Variants in BICRA observed in about 807,000 individuals in gnomAD.
BICRA encodes the protein BRD4 interacting chromatin remodeling complex associated protein.
BICRA carries 31 observed loss-of-function variants against 96.9 expected under a neutral mutation model. The ratio of observed to expected loss-of-function variants is 0.32; its 90% confidence interval spans 0.24 to 0.43. BICRA has a LOEUF of 0.43. Among genes scored for constraint, BICRA ranks in the 20% least tolerant of loss-of-function variants. The pLI, the probability that BICRA is intolerant of heterozygous loss-of-function variation, is 1.00. For missense variants in BICRA, 2,283 were observed against 2,190.3 expected (o/e 1.04, Z -0.84); for synonymous variants, 1,350 against 1,071.8 (o/e 1.26, Z -5.07).
chr19:47,684,980 A>G (rs988159842), intron 7 of BICRA, among the ~76,000 whole-genome samples: 1 of 151,952 alleles, frequency 6.6e-6, no homozygotes, highest in African/African-American at 2.4e-5. Flanking sequence ...AGCTGAACTT[A>G]TTTTTTTGGA....
In BICRA at chr19:47,671,384, G is replaced by A. The variant is rs555397391; in HGVS notation, c.-6+840G>A. 1.8e-4 allele frequency among the ~76,000 whole-genome samples: 27 copies of A among 152,278 alleles called. No homozygotes were observed. In the East Asian group the frequency reaches 3.9e-3, roughly 22 times the overall value. ...GGTGACCCGTGGCAGTTGTCACATCGTCAGTGAGGTTTGGGACCCCCTACC... is the reference window on the plus strand; with the variant it reads ...GGTGACCCGTGGCAGTTGTCACATCATCAGTGAGGTTTGGGACCCCCTACC... On this transcript the variant is annotated intron_variant, in intron 2 of 14. Coordinates refer to ENST00000594866, the MANE Select transcript of BICRA (RefSeq NM_001394372.1).
rs1177808753 is a variant in BICRA, at chr19:47,702,581, G to A, written c.*166G>A. 1 of 783,154 alleles carries A rather than the reference G, an allele frequency of 1.3e-6. No homozygotes were observed. The highest frequency in any genetic ancestry group is 1.9e-6 in the Non-Finnish European group (1 of 534,534). 48.5% of individuals were successfully genotyped at this position (783,154 alleles called of 1,614,324 possible). A position where few individuals can be genotyped will look rare whatever the true frequency, so the allele number is the denominator to read the frequency against. On this transcript the variant is annotated 3_prime_UTR_variant, in exon 15 of 15. Coordinates refer to ENST00000594866, the MANE Select transcript of BICRA (RefSeq NM_001394372.1). ...TCCTTCCCTGCCGCCTGCTTCAGCT[G>A]GGTTGCTGGGGGGTGGGCGTGGATT...
rs74254176 is a variant in BICRA, at chr19:47,646,961, C to G, written c.-107-23482C>G. Among the ~76,000 whole-genome samples the G allele has an allele frequency of 1.3e-3, 193 of 152,298 alleles. 2 individuals are homozygous for G. The East Asian group carries it at 0.023, about 18-fold the overall frequency. On this transcript the variant is annotated intron_variant, in intron 1 of 14. Coordinates refer to ENST00000594866, the MANE Select transcript of BICRA (RefSeq NM_001394372.1). ...GCCATCATCCCCACTCCTTCTCCCC[C>G]TCCCAGCCTCCAGCAACCACAAGTC...
rs2123590710 is a variant in BICRA at position 47,682,166 on chromosome 19, A to C, written c.2283+14A>C. 7.8e-7 allele frequency: 1 copy of C among 1,288,858 alleles called. No individual in the cohort carries two copies. The highest frequency in any genetic ancestry group is 1.5e-5 in the African/African-American group (1 of 64,804). 79.8% of individuals were successfully genotyped at this position (1,288,858 alleles called of 1,614,324 possible). On this transcript the variant is annotated intron_variant, in intron 7 of 14. Transcript: ENST00000594866. Reference sequence around the variant, plus strand: ...CCGGCCCCCCAGGTAGAGGGACCCCAGCAGCCTGTGTCCGCAGCACAGACC... The same window carrying C: ...CCGGCCCCCCAGGTAGAGGGACCCCCGCAGCCTGTGTCCGCAGCACAGACC...
chr19:47,621,295 C>G (rs1333588873), intron 1 of BICRA, among the ~76,000 whole-genome samples: 1 of 152,092 alleles, frequency 6.6e-6, no homozygotes, highest in Non-Finnish European at 1.5e-5. Flanking sequence ...CTGTCCCACC[C>G]TGCAGTTTGC....
At chr19:47,656,108 A>ACACACACACACG (rs1395595593) in intron 1 of BICRA, among the ~76,000 whole-genome samples, 22 of 129,090 alleles carry the variant, frequency 1.7e-4, no homozygotes, top group South Asian at 8.5e-4. Context: ...ACACACACAC[A>ACACACACACACG]CACTCTGAAT....
At position 47,681,188 on chromosome 19, in the gene BICRA, G is replaced by T; in HGVS notation, c.2018G>T (p.Ser673Ile). Residue 673 changes from serine to isoleucine, a missense_variant, in exon 6 of 15, where the codon AGC becomes ATC. Ser to Ile is a moderately radical substitution (Grantham distance 142). Transcript: ENST00000594866. ...TPQPSPGLAS[S>I]PEKIVLGQPP... ...CAGCCCAGCCCTGGCCTGGCGTCTA[G>T]CCCGGAGAAGATCGTCCTGGGGCAG... 1.3e-6 allele frequency: 2 copies of T among 1,532,018 alleles called. No homozygotes were observed. The highest frequency in any genetic ancestry group is 2.0e-5 in the Admixed American group (1 of 50,964). The allele number at this position is 1,532,018 out of a possible 1,614,324, so 94.9% of individuals were successfully genotyped here. A position where few individuals can be genotyped will look rare whatever the true frequency, so the allele number is the denominator to read the frequency against.
intron 1 of BICRA, among the ~76,000 whole-genome samples, chr19:47,609,574 G>A (rs1199289982): frequency 6.6e-6 from 1 of 151,346 alleles, no homozygotes; most frequent in African/African-American, 2.4e-5. Flanking sequence ...GCGGAGAGAG[G>A]AGACCTAACG....
At chr19:47,670,789 C>A (rs1177899836) in intron 2 of BICRA, among the ~76,000 whole-genome samples, 1 of 152,200 alleles carries the variant, frequency 6.6e-6, no homozygotes, top group African/African-American at 2.4e-5. Context: ...TCTCCAGATT[C>A]TTTGCAGACC....
At chr19:47,693,139 A>T (rs574494695) in intron 7 of BICRA, among the ~76,000 whole-genome samples, 1 of 152,356 alleles carries the variant, frequency 6.6e-6, no homozygotes, top group African/African-American at 2.4e-5. Context: ...ATTCTGTGAC[A>T]GCAAGTATCA....
chr19:47,644,609 T>A (rs1236885517), intron 1 of BICRA, among the ~76,000 whole-genome samples: 1 of 151,728 alleles, frequency 6.6e-6, no homozygotes, highest in African/African-American at 2.4e-5. Flanking sequence ...CAAGCAACCC[T>A]CCTGCCTCAG....
Position 47,680,449 on chromosome 19 carries a change from C to G in BICRA, c.1279C>G (p.Pro427Ala). 1 of 1,539,160 alleles carries G rather than the reference C, an allele frequency of 6.5e-7. No individual in the cohort carries two copies. Among genetic ancestry groups the G allele is most frequent in the Admixed American group, 2.0e-5 (1 of 50,886 alleles). ...PALQANVFKQ[P>A]PATTTGAAPP... ...GCTGCAAGCGAACGTCTTCAAGCAG[C>G]CACCGGCCACCACCACCGGAGCGGC... The change falls in exon 6 of 15, where the codon CCA becomes GCA. Residue 427 changes from proline to alanine, a missense_variant. Physicochemically the swap from Pro to Ala is conservative, Grantham distance 27. Coordinates refer to ENST00000594866, the MANE Select transcript of BICRA (RefSeq NM_001394372.1).
At chr19:47,626,717 GTT>G (rs35347398) in intron 1 of BICRA, among the ~76,000 whole-genome samples, 166 of 101,246 alleles carry the variant, frequency 1.6e-3, no homozygotes, top group Non-Finnish European at 2.3e-3. Flanking sequence ...TGCATCCTGG[GTT>G]TTTTTTTTTT....
chr19:47,688,820 T>G (rs1293512984), intron 7 of BICRA, among the ~76,000 whole-genome samples: 2 of 152,022 alleles, frequency 1.3e-5, no homozygotes, highest in Non-Finnish European at 2.9e-5. Context: ...TTTTCTTTGT[T>G]TTGTTTTATT....
chr19:47,681,908 G>A (rs1259517788), intron 6 of BICRA, 68 bp from the exon 7 acceptor site: 1 of 1,085,340 alleles, frequency 9.2e-7, no homozygotes, highest in Non-Finnish European at 1.3e-6. Flanking sequence ...AGGGGCAGGG[G>A]TCTCGGGTGG....
chr19:47,619,566 A>G (rs553654206), intron 1 of BICRA, among the ~76,000 whole-genome samples: 1 of 150,652 alleles, frequency 6.6e-6, no homozygotes, highest in African/African-American at 2.4e-5. Context: ...GCCTCTCCCA[A>G]TCCTTTTTCA....
At chr19:47,614,107 C>T (rs1242214819) in intron 1 of BICRA, among the ~76,000 whole-genome samples, 1 of 152,016 alleles carries the variant, frequency 6.6e-6, no homozygotes, top group Non-Finnish European at 1.5e-5. Context: ...TTCATTCATT[C>T]TGTCTGGGTG....
Position 47,701,531 on chromosome 19 carries a change from T to A in BICRA, c.3799T>A (p.Ser1267Thr), listed in dbSNP as rs769799808. ...GGTCACCTGGGCCCGGGCGTCCTCC[T>A]CCCTGTCCTCCTCTTCCTCCTCCTC... ...PSVTWARASS[S>T]LSSSSSSSSA... Residue 1267 changes from serine (S) to threonine (T), a missense_variant, in exon 15 of 15, where the codon TCC becomes ACC. Ser to Thr is a moderately conservative substitution (Grantham distance 58). Coordinates refer to ENST00000594866, the MANE Select transcript of BICRA (RefSeq NM_001394372.1). The surrounding 1 kb of genome is among the most constrained non-coding windows in gnomAD (Gnocchi z 5.4). 8 of 1,548,356 alleles carry A rather than the reference T, an allele frequency of 5.2e-6. No individual in the cohort carries two copies. Among genetic ancestry groups the A allele is most frequent in the Non-Finnish European group, 7.0e-6 (8 of 1,146,872 alleles).
intron 11 of BICRA, among the ~76,000 whole-genome samples, chr19:47,696,845 A>G (rs560756397): frequency 1.3e-5 from 2 of 149,116 alleles, no homozygotes; most frequent in African/African-American, 4.9e-5. Context: ...GGGTGAAGTG[A>G]TGGGTGGGGG....
Sources: allele counts gnomAD v4.1 joint callset (sites outside exome capture counted in the v4.1 genomes callset), GRCh38; gene constraint gnomAD v4.1.1; non-coding constraint Gnocchi (gnomAD v3.1); transcripts MANE v1.5; gene names NCBI Gene and HGNC (gene_info 2026-07-23, HGNC 2026-07-21).